EYS: variants seen among roughly 807,000 people sequenced by gnomAD.
EYS encodes EGF-like photoreceptor maintenance factor, also known as protein eyes shut homolog.
A neutral mutation model predicts 282.1 loss-of-function variants in EYS; 250 were observed. That is an observed-to-expected ratio of 0.89 (90% confidence interval 0.80 to 0.98). EYS has a LOEUF of 0.98. Ranked by LOEUF, EYS falls within the 50% of genes least tolerant of loss-of-function variation. The probability of loss-of-function intolerance (pLI) is 0.00; values close to 1 mark genes in which losing one functional copy is unlikely to be tolerated. For synonymous variants in EYS, 1,355 were observed against 1,282.9 expected, an observed-to-expected ratio of 1.06 and a Z score of -1.20; for missense variants, 4,016 against 3,709.0, an observed-to-expected ratio of 1.08 and a Z score of -2.15.
chr6:64,954,223 T>TA (rs1769611786), intron 14 of EYS, among the ~76,000 whole-genome samples: 1 of 151,900 alleles, frequency 6.6e-6, no homozygotes, highest in Non-Finnish European at 1.5e-5. Flanking sequence ...CCTACCTTCA[T>TA]AAACCATTTG....
intron 22 of EYS, chr6:64,730,838 A>G (rs1771937791): frequency 6.6e-6 from 1 of 152,182 alleles, no homozygotes; most frequent in African/African-American, 2.4e-5. Context: ...TGTTATTTAT[A>G]TTAGTAATAC....
At chr6:64,879,764 G>T (rs1375672277) in intron 19 of EYS, among the ~76,000 whole-genome samples, 1 of 152,002 alleles carries the variant, frequency 6.6e-6, no homozygotes, top group African/African-American at 2.4e-5. Flanking sequence ...TAACTATGTG[G>T]GGAGGAAAGA....
chr6:65,145,965 T>C (rs61286033), intron 12 of EYS, among the ~76,000 whole-genome samples: 38,939 of 151,642 alleles, frequency 0.26, 5,335 homozygotes, highest in African/African-American at 0.35. Flanking sequence ...TAATTTAATT[T>C]ATATTTACTC....
intron 5 of EYS, among the ~76,000 whole-genome samples, chr6:65,442,004 T>C (rs1316650393): frequency 6.6e-6 from 1 of 152,092 alleles, no homozygotes; most frequent in Admixed American, 6.6e-5. Context: ...ACATGATTCA[T>C]TCCCAAAAAT....
At chr6:65,574,066 C>T (rs1286932051) in intron 2 of EYS, among the ~76,000 whole-genome samples, 2 of 152,124 alleles carry the variant, frequency 1.3e-5, no homozygotes, top group Non-Finnish European at 2.9e-5. Flanking sequence ...GGAGTCCCTG[C>T]GCCCTAGGCA....
intron 2 of EYS, among the ~76,000 whole-genome samples, chr6:65,510,157 G>A (rs1418848280): frequency 7.0e-6 from 1 of 142,960 alleles, no homozygotes; most frequent in Non-Finnish European, 1.5e-5. Flanking sequence ...ATCTCCCAAT[G>A]CTATCCCTCC....
In EYS at chr6:63,726,379, G is replaced by A. The variant is rs553075606; in HGVS notation, c.8233+140C>T. 729 of 706,282 alleles carry A rather than the reference G, an allele frequency of 1.0e-3. 3 individuals carry two copies. Among genetic ancestry groups the A allele is most frequent in the Non-Finnish European group, 1.4e-3 (661 of 458,730 alleles). 43.8% of individuals were successfully genotyped at this position (706,282 alleles called of 1,614,324 possible). A position where few individuals can be genotyped will look rare whatever the true frequency, so the allele number is the denominator to read the frequency against. On this transcript the variant is annotated intron_variant, in intron 42 of 42. Transcript: ENST00000503581. ...ATATCTAGGGCTTCTAAATTCATAC[G>A]CATACACTTGCAGTGACAATAGAAC...
At chr6:64,256,384 A>C (rs1327713225) in intron 30 of EYS, among the ~76,000 whole-genome samples, 1 of 152,022 alleles carries the variant, frequency 6.6e-6, no homozygotes, top group Non-Finnish European at 1.5e-5. Context: ...AGGAGTAAGC[A>C]TACTAATTCA....
At chr6:65,045,599 G>A (rs139054703) in intron 13 of EYS, among the ~76,000 whole-genome samples, 3,481 of 151,944 alleles carry the variant, frequency 0.023, 66 homozygotes, top group Non-Finnish European at 0.036. Context: ...ACAGTGAGAA[G>A]ATAACCACAT....
chr6:65,630,253 G>A (rs1766864264), intron 2 of EYS, among the ~76,000 whole-genome samples: 1 of 152,140 alleles, frequency 6.6e-6, no homozygotes, highest in Admixed American at 6.5e-5. Flanking sequence ...TTGACACTTA[G>A]GTCAATAGGA....
chr6:65,322,524 CAGTGGCTCATGCCTGTA>C (rs1769502893), intron 11 of EYS, among the ~76,000 whole-genome samples: 2 of 151,996 alleles, frequency 1.3e-5, no homozygotes, highest in African/African-American at 4.8e-5. Flanking sequence ...AGGACGGGCG[CAGTGGCTCATGCCTGTA>C]ATCCCAGCAC....
At chr6:64,158,112 G>A (rs1169309083) in intron 31 of EYS, among the ~76,000 whole-genome samples, 1 of 152,216 alleles carries the variant, frequency 6.6e-6, no homozygotes, top group African/African-American at 2.4e-5. Flanking sequence ...CTGGATGTGA[G>A]ACCTGAAATC....
chr6:65,556,056 A>C (rs1768787510), intron 2 of EYS, among the ~76,000 whole-genome samples: 1 of 152,168 alleles, frequency 6.6e-6, no homozygotes, highest in Non-Finnish European at 1.5e-5. Context: ...AGCTTTGCTC[A>C]ATGGTCCTTC....
chr6:63,884,837 T>G (rs746450720), intron 35 of EYS, among the ~76,000 whole-genome samples: 3 of 151,040 alleles, frequency 2.0e-5, no homozygotes, highest in Non-Finnish European at 4.4e-5. Flanking sequence ...TCAATACACT[T>G]TTTTTTTTGA....
intron 2 of EYS, among the ~76,000 whole-genome samples, chr6:65,550,002 C>T (rs74915287): frequency 2.6e-3 from 397 of 151,692 alleles, no homozygotes; most frequent in Middle Eastern, 0.014. Context: ...CCTCCCTGGA[C>T]CAGTGGTACA....
intron 13 of EYS, among the ~76,000 whole-genome samples, chr6:65,042,135 T>C (rs975728177): frequency 7.3e-5 from 11 of 151,642 alleles, no homozygotes; most frequent in Admixed American, 4.0e-4. Flanking sequence ...ATGATAATCA[T>C]TTTTACTTCT....
chr6:65,495,292 A>G lies in EYS; in HGVS notation c.119T>C (p.Val40Ala). ...EEWHPQPSSY[V>A]VNWTLTENIC... is the part of the protein sequence containing the mutation. ...GTTTTCTGTTAGTGTCCAATTTACC[A>G]CATATGATGAGGGTTGTGGATGCCA... Residue 40 changes from valine (V) to alanine (A), a missense_variant, in exon 4 of 43, where the codon GTG becomes GCG. Transcript: ENST00000503581. The G allele has an allele frequency of 4.3e-6, 7 of 1,614,068 alleles. No individual in the cohort carries two copies. The highest frequency in any genetic ancestry group is 5.9e-6 in the Non-Finnish European group (7 of 1,180,018).
chr6:64,520,406 G>A (rs1562038923), intron 26 of EYS, among the ~76,000 whole-genome samples: 1 of 151,752 alleles, frequency 6.6e-6, no homozygotes, highest in South Asian at 2.1e-4. Context: ...CAGAGATCAG[G>A]TAACACTAGG....
intron 2 of EYS, among the ~76,000 whole-genome samples, chr6:65,578,770 C>T (rs968977059): frequency 6.6e-6 from 1 of 151,924 alleles, no homozygotes; most frequent in African/African-American, 2.4e-5. Flanking sequence ...AAATTGGACT[C>T]ATCTTTCACA....
Sources: gnomAD v4.1 joint callset for allele counts (sites outside exome capture counted in the v4.1 genomes callset) on GRCh38, gnomAD v4.1.1 for gene constraint, MANE v1.5 for transcripts, NCBI Gene and HGNC (gene_info 2026-07-23, HGNC 2026-07-21) for gene names.